Variants in AMDHD2 observed in about 807,000 individuals in gnomAD.
AMDHD2 encodes N-acetylglucosamine-6-phosphate deacetylase.
Under a neutral mutation model 41.8 loss-of-function variants are expected in AMDHD2, and 24 were observed. That is an observed-to-expected ratio of 0.57 (90% CI 0.42 to 0.81). The LOEUF is 0.81. Among genes scored for constraint, AMDHD2 ranks in the 30% least tolerant of loss-of-function variants. The pLI, the probability that AMDHD2 is intolerant of heterozygous loss-of-function variation, is 0.00. For synonymous variants in AMDHD2, 332 were observed against 255.5 expected (o/e 1.30, Z -2.85); for missense variants, 540 against 588.5 (o/e 0.92, Z 0.85).
Position 2,529,082 on chromosome 16 carries a change from T to C in AMDHD2, c.1128T>C (p.Phe376=), listed in dbSNP as rs541807765. The C allele has an allele frequency of 9.4e-6, 15 of 1,587,568 alleles. No individual in the cohort carries two copies. The highest frequency in any genetic ancestry group is 6.9e-5 in the South Asian group (6 of 87,364). ...GLEKSKGTLD[F]GADADFVVLD... is the part of the protein sequence containing the mutation. ...AGAAGAGTAAGGGGACCCTGGACTTTGGTGCTGACGCAGGTGAGGGCCTGT... is the reference window on the plus strand; with the variant it reads ...AGAAGAGTAAGGGGACCCTGGACTTCGGTGCTGACGCAGGTGAGGGCCTGT... Residue 376 remains phenylalanine (F), a synonymous_variant, in exon 10 of 11, where the codon TTT becomes TTC. Coordinates refer to ENST00000293971, the MANE Select transcript of AMDHD2 (RefSeq NM_001330449.2).
Position 2,529,508 on chromosome 16 carries a change from A to T in AMDHD2, c.1175A>T (p.Gln392Leu). 6.2e-7 allele frequency: 1 copy of T among 1,611,858 alleles called. No individual in the cohort carries two copies. Among genetic ancestry groups the T allele is most frequent in the Middle Eastern group, 1.7e-4 (1 of 6,060 alleles). The change falls in exon 11 of 11, where the codon CAG becomes CTG. Residue 392 changes from glutamine (Q) to leucine (L), a missense_variant. Transcript: ENST00000293971. ...FVVLDDSLHV[Q>L]ATYISGELVW... ...GTGCTCGACGACTCCCTTCACGTCC[A>T]GGCCACCTACATCTCGGGTGAGCTG... is the stretch of plus-strand genomic sequence containing the variant.
chr16:2,526,029 C>T (rs896889335), intron 3 of AMDHD2, among the ~76,000 whole-genome samples: 10 of 152,204 alleles, frequency 6.6e-5, no homozygotes, highest in African/African-American at 2.2e-4. Context: ...CAGAAGACCT[C>T]TTATTGGCTG....
rs761158133 is a variant in AMDHD2 at position 2,530,457 on chromosome 16, GCT to G, written c.*897_*898del. 1.2e-6 allele frequency: 2 copies of G among 1,614,146 alleles called. No homozygotes were observed. Among genetic ancestry groups the G allele is most frequent in the South Asian group, 2.2e-5 (2 of 91,086 alleles). On this transcript the variant is annotated 3_prime_UTR_variant, in exon 11 of 11. Coordinates refer to ENST00000293971, the MANE Select transcript of AMDHD2 (RefSeq NM_001330449.2). ...CGGGTGGGCTTCTGGAGCCCTCTTGGCTCTGAGGACAGCCACAGTGGGGTCAG... is the reference window on the plus strand; with the variant it reads ...CGGGTGGGCTTCTGGAGCCCTCTTGGCTGAGGACAGCCACAGTGGGGTCAG...
Position 2,530,427 on chromosome 16 carries a change from C to A in AMDHD2, c.*864C>A. On this transcript the variant is annotated 3_prime_UTR_variant, in exon 11 of 11. Transcript: ENST00000293971. The stretch of plus-strand genomic sequence containing the variant: ...GGCCGTGAGGCTCCCTGAACAGCTT[C>A]GAGGCGGGTGGGCTTCTGGAGCCCT... 3.1e-6 allele frequency: 5 copies of A among 1,614,100 alleles called. No homozygotes were observed. The highest frequency in any genetic ancestry group is 1.1e-5 in the South Asian group (1 of 91,078).
Position 2,528,348 on chromosome 16 carries a change from C to A in AMDHD2, c.830C>A (p.Ala277Asp). ...IADGTHTNPA[A>D]LRIAHRAHPQ... is the part of the protein sequence containing the mutation. ...GATGGCACGCACACCAACCCCGCCGCCCTGCGGATCGCCCACCGTGCCCAT... is the reference window on the plus strand; with the variant it reads ...GATGGCACGCACACCAACCCCGCCGACCTGCGGATCGCCCACCGTGCCCAT... Residue 277 changes from alanine (A) to aspartate (D), a missense_variant, in exon 7 of 11, where the codon GCC (alanine) becomes GAC (aspartate). Transcript: ENST00000293971. 6.2e-7 allele frequency: 1 copy of A among 1,612,876 alleles called. No homozygotes were observed. Among genetic ancestry groups the A allele is most frequent in the Non-Finnish European group, 8.5e-7 (1 of 1,179,930 alleles).
At position 2,527,661 on chromosome 16, in the gene AMDHD2, C is replaced by T. The variant is rs768420635; in HGVS notation, c.415+46C>T. On this transcript the variant is annotated intron_variant, in intron 4 of 10. Transcript: ENST00000293971. This position sits in a 1 kb window ranked among gnomAD's most constrained non-coding sequence, Gnocchi z 6.1. Reference sequence around the variant, plus strand: ...CCGCCCCCACCCTGGGAGGCTCCTGCGGGACCTGTTGGCAGCCCCCACCCC... The same window carrying T: ...CCGCCCCCACCCTGGGAGGCTCCTGTGGGACCTGTTGGCAGCCCCCACCCC... 4.3e-5 allele frequency: 69 copies of T among 1,586,496 alleles called. No individual in the cohort carries two copies. The highest frequency in any genetic ancestry group is 1.7e-4 in the Middle Eastern group (1 of 5,782).
chr16:2,520,566 G>A (rs754438070), intron 1 of AMDHD2, 25 bp downstream of exon 1: 3 of 1,226,036 alleles, frequency 2.4e-6, no homozygotes, highest in African/African-American at 1.6e-5. Flanking sequence ...GGGACTGCGG[G>A]GCTGGGGACC....
intron 9 of AMDHD2, 100 bp downstream of exon 9, chr16:2,528,818 A>G: frequency 6.4e-7 from 1 of 1,572,086 alleles, no homozygotes; most frequent in Non-Finnish European, 8.6e-7. Flanking sequence ...CTCTGCCCAC[A>G]GGAGCTCCTG....
chr16:2,520,697 G>T lies in AMDHD2; in HGVS notation c.84-72G>T, dbSNP rs932535700. 136 of 1,416,132 alleles carry T rather than the reference G, an allele frequency of 9.6e-5. 1 individual carries two copies. The African/African-American group carries it at 1.9e-3, about 20-fold the overall frequency. The allele number at this position is 1,416,132 out of a possible 1,614,324, so 87.7% of individuals were successfully genotyped here. On this transcript the variant is annotated intron_variant, in intron 1 of 10. Transcript: ENST00000293971. Reference sequence around the variant, plus strand: ...GCGGGGTGCAGGGTGCGGGGCCGGGGACCGGGCGGGGTGCAGGGTGCGGGG... The same window carrying T: ...GCGGGGTGCAGGGTGCGGGGCCGGGTACCGGGCGGGGTGCAGGGTGCGGGG...
chr16:2,530,356 C>A lies in AMDHD2; in HGVS notation c.*793C>A, dbSNP rs766892434. The A allele has an allele frequency of 6.2e-7, 1 of 1,614,222 alleles. No homozygotes were observed. Among genetic ancestry groups the A allele is most frequent in the Admixed American group, 1.7e-5 (1 of 60,030 alleles). On this transcript the variant is annotated 3_prime_UTR_variant, in exon 11 of 11. Coordinates refer to ENST00000293971, the MANE Select transcript of AMDHD2 (RefSeq NM_001330449.2). ...CACCCCATTAGTGTCATCCTGCCAT[C>A]TTCTGTGTCCCCTTGGCCCTGGCAC...
Position 2,520,388 on chromosome 16 carries a change from G to A in AMDHD2, c.-71G>A. On this transcript the variant is annotated 5_prime_UTR_variant, in exon 1 of 11. Coordinates refer to ENST00000293971, the MANE Select transcript of AMDHD2 (RefSeq NM_001330449.2). ...TGGGCGCGGTCTCAGCTCTCGGCTGGGGTTCGTCACTGGGCGCGGGATTTG... is the reference window on the plus strand; with the variant it reads ...TGGGCGCGGTCTCAGCTCTCGGCTGAGGTTCGTCACTGGGCGCGGGATTTG... The A allele has an allele frequency of 1.7e-6, 2 of 1,175,224 alleles. No individual in the cohort carries two copies. The highest frequency in any genetic ancestry group is 4.2e-5 in the South Asian group (1 of 23,578). The allele number at this position is 1,175,224 out of a possible 1,614,324, so 72.8% of individuals were successfully genotyped here.
At chr16:2,524,689 A>T (rs1332477106) in intron 3 of AMDHD2, among the ~76,000 whole-genome samples, 2 of 152,030 alleles carry the variant, frequency 1.3e-5, no homozygotes, top group African/African-American at 4.8e-5. Context: ...AGGGACAATC[A>T]CTTTCAACTC....
rs142773629 is a variant in AMDHD2 at position 2,527,572 on chromosome 16, G to A, written c.372G>A (p.Gln124=). The A allele has an allele frequency of 9.5e-5, 154 of 1,613,156 alleles. 1 individual carries two copies. In the African/African-American group the frequency reaches 1.9e-3, roughly 20 times the overall value. Residue 124 remains glutamine, a synonymous_variant, in exon 4 of 11, where the codon CAG becomes CAA. Coordinates refer to ENST00000293971, the MANE Select transcript of AMDHD2 (RefSeq NM_001330449.2). The surrounding 1 kb of genome is among the most constrained non-coding windows in gnomAD (Gnocchi z 6.1). ...CTGGTTCCCCCCAGGTTGTTCCTCA[G>A]ATCCCTGTGAAGAGTGGTGGTCCCC... ...PPEVYHKVVP[Q]IPVKSGGPHG...
In AMDHD2 at chr16:2,530,785, G is replaced by A. The variant is rs1392628105; in HGVS notation, c.*1222G>A. ...GGGAGGGCCTGGGGCAGGGCACAAG[G>A]GGTTGATCTCAGCCCACAAGCCCCA... On this transcript the variant is annotated 3_prime_UTR_variant, in exon 11 of 11. Coordinates refer to ENST00000293971, the MANE Select transcript of AMDHD2 (RefSeq NM_001330449.2). 1.9e-6 allele frequency: 3 copies of A among 1,613,722 alleles called. No individual in the cohort carries two copies. Among genetic ancestry groups the A allele is most frequent in the Admixed American group, 1.7e-5 (1 of 60,016 alleles).
Position 2,520,923 on chromosome 16 carries a change from C to T in AMDHD2, c.220+18C>T. The T allele has an allele frequency of 6.3e-7, 1 of 1,594,132 alleles. No individual in the cohort carries two copies. Among genetic ancestry groups the T allele is most frequent in the African/African-American group, 1.3e-5 (1 of 74,346 alleles). On this transcript the variant is annotated intron_variant, in intron 2 of 10. Coordinates refer to ENST00000293971, the MANE Select transcript of AMDHD2 (RefSeq NM_001330449.2). ...GATCAACGGTGCGGCCCGGGGCCGG[C>T]AGGGGAACCCAGGGGAGGAGCTCTG...
intron 3 of AMDHD2, among the ~76,000 whole-genome samples, chr16:2,521,735 C>G (rs1047320888): frequency 6.8e-6 from 1 of 146,378 alleles, no homozygotes; most frequent in Non-Finnish European, 1.5e-5. Flanking sequence ...TTTTACTGAA[C>G]TATTTGAGAG....
At chr16:2,525,608 G>A (rs926217126) in intron 3 of AMDHD2, among the ~76,000 whole-genome samples, 4 of 151,832 alleles carry the variant, frequency 2.6e-5, no homozygotes, top group Admixed American at 6.6e-5. Context: ...GCAGTGGCGC[G>A]ATCTCGGCTC....
In AMDHD2 at chr16:2,531,396, A is replaced by G. The variant is rs1843784427; in HGVS notation, c.*1833A>G. The G allele has an allele frequency of 9.9e-6, 5 of 506,456 alleles. No homozygotes were observed. The highest frequency in any genetic ancestry group is 1.0e-3 in the Middle Eastern group (2 of 1,952). The allele number at this position is 506,456 out of a possible 1,614,324, so 31.4% of individuals were successfully genotyped here. A position where few individuals can be genotyped will look rare whatever the true frequency, so the allele number is the denominator to read the frequency against. On this transcript the variant is annotated 3_prime_UTR_variant, in exon 11 of 11. Coordinates refer to ENST00000293971, the MANE Select transcript of AMDHD2 (RefSeq NM_001330449.2). ...CTTTTTAAAAATTGTGGTAAAATAC[A>G]TAACAAAAGTAACTATCGTAACCTG...
Position 2,530,693 on chromosome 16 carries a change from C to A in AMDHD2, c.*1130C>A, listed in dbSNP as rs781515519. On this transcript the variant is annotated 3_prime_UTR_variant, in exon 11 of 11. Transcript: ENST00000293971. ...TCCAGGTCCAAAGAGATAGGATGGT[C>A]TGGGCCCCACCTGTTGGAAGGGAAC... 10 of 1,614,002 alleles carry A rather than the reference C, an allele frequency of 6.2e-6. No homozygotes were observed. The highest frequency in any genetic ancestry group is 8.5e-6 in the Non-Finnish European group (10 of 1,180,036).
Sources: allele counts gnomAD v4.1 joint callset (sites outside exome capture counted in the v4.1 genomes callset), GRCh38; gene constraint gnomAD v4.1.1; non-coding constraint Gnocchi (gnomAD v3.1); transcripts MANE v1.5; gene names NCBI Gene and HGNC (gene_info 2026-07-23, HGNC 2026-07-21).